SLC14A2: variants seen among roughly 807,000 people sequenced by gnomAD.
SLC14A2 encodes urea transporter 2.
In SLC14A2, 91 loss-of-function variants were observed where a neutral mutation model predicts 104.6. That is an observed-to-expected ratio of 0.87 (90% CI 0.73 to 1.04). SLC14A2 has a LOEUF of 1.04. Ranked by LOEUF, SLC14A2 falls within the 50% of genes least tolerant of loss-of-function variation. The probability of loss-of-function intolerance (pLI) is 0.00; values close to 1 mark genes in which losing one functional copy is unlikely to be tolerated. For synonymous variants in SLC14A2, 476 were observed against 466.4 expected (o/e 1.02, Z -0.27); for missense variants, 1,189 against 1,156.0 (o/e 1.03, Z -0.41).
chr18:45,604,049 C>A (rs1431988207), intron 2 of SLC14A2, among the ~76,000 whole-genome samples: 1 of 152,228 alleles, frequency 6.6e-6, no homozygotes, highest in Non-Finnish European at 1.5e-5. Flanking sequence ...GTCACAGACA[C>A]TTCTGCAACA....
intron 1 of SLC14A2, among the ~76,000 whole-genome samples, chr18:45,383,634 G>A (rs2085862344): frequency 6.6e-6 from 1 of 152,072 alleles, no homozygotes; most frequent in Non-Finnish European, 1.5e-5. Context: ...CTTGTCTCCT[G>A]GGGTTCCCCT....
At chr18:45,295,266 T>A (rs1439959625) in intron 1 of SLC14A2, among the ~76,000 whole-genome samples, 2 of 152,060 alleles carry the variant, frequency 1.3e-5, no homozygotes, top group Non-Finnish European at 2.9e-5. Flanking sequence ...TCACACAGCA[T>A]CCCCTTAACA....
intron 1 of SLC14A2, among the ~76,000 whole-genome samples, chr18:45,227,732 A>C (rs2084133857): frequency 6.6e-6 from 1 of 152,098 alleles, no homozygotes; most frequent in Non-Finnish European, 1.5e-5. Flanking sequence ...TGGGAGAAAA[A>C]ATTGGAAAAC....
chr18:45,418,294 C>T lies in SLC14A2; in HGVS notation c.-124-64939C>T, dbSNP rs141307555. Among the ~76,000 whole-genome samples, 389 of 152,264 alleles carry T rather than the reference C, an allele frequency of 2.6e-3. 1 individual carries two copies. The highest frequency in any genetic ancestry group is 9.0e-3 in the African/African-American group (374 of 41,542). On this transcript the variant is annotated intron_variant, in intron 1 of 20. Transcript: ENST00000586448. ...ATAAAGAACCTGGATAGTTACTGCA[C>T]TCTTAATAAGAAACAAATGTCTTGT...
At chr18:45,175,403 G>A in the SLC14A2 span, among the ~76,000 whole-genome samples, 1 of 144,168 alleles carries the variant, frequency 6.9e-6, no homozygotes, top group Non-Finnish European at 1.6e-5. Context: ...AAATGTAGGG[G>A]TAAGAAAACG....
chr18:45,300,104 C>A (rs945330305), intron 1 of SLC14A2, among the ~76,000 whole-genome samples: 2 of 152,126 alleles, frequency 1.3e-5, no homozygotes, highest in African/African-American at 4.8e-5. Flanking sequence ...GGGTATATTT[C>A]AAAAGACAAG....
At position 45,355,017 on chromosome 18, in the gene SLC14A2, C is replaced by T. The variant is rs117128249; in HGVS notation, c.-124-128216C>T. On this transcript the variant is annotated intron_variant, in intron 1 of 20. Transcript: ENST00000586448. Reference sequence around the variant, plus strand: ...AGGAAAGATAAAATTATGGAAGAAACAATTGAGTCTGACCTGCCTTTGAGA... The same window carrying T: ...AGGAAAGATAAAATTATGGAAGAAATAATTGAGTCTGACCTGCCTTTGAGA... 5.4e-3 allele frequency among the ~76,000 whole-genome samples: 820 copies of T among 152,232 alleles called. 3 individuals carry two copies. Among genetic ancestry groups the T allele is most frequent in the Non-Finnish European group, 8.8e-3 (600 of 68,006 alleles).
chr18:45,472,122 G>A (rs575046725), intron 1 of SLC14A2, among the ~76,000 whole-genome samples: 3 of 152,210 alleles, frequency 2.0e-5, no homozygotes, highest in African/African-American at 7.2e-5. Flanking sequence ...GTGAGAATAT[G>A]CAGTGTTTGG....
chr18:45,244,880 G>A (rs1314131904), intron 1 of SLC14A2, among the ~76,000 whole-genome samples: 3 of 152,162 alleles, frequency 2.0e-5, no homozygotes, highest in Non-Finnish European at 4.4e-5. Context: ...TCATCCATCT[G>A]TCTATTCATC....
intron 1 of SLC14A2, among the ~76,000 whole-genome samples, chr18:45,367,916 G>T (rs748997827): frequency 3.4e-4 from 52 of 152,266 alleles, no homozygotes; most frequent in Middle Eastern, 3.4e-3. Flanking sequence ...GGCACTGAAG[G>T]CTTAATGTTC....
intron 1 of SLC14A2, among the ~76,000 whole-genome samples, chr18:45,244,280 T>C: frequency 6.6e-6 from 1 of 152,146 alleles, no homozygotes; most frequent in East Asian, 1.9e-4. Context: ...ATTTGTTCAG[T>C]TTTAGACATG....
At chr18:45,664,397 G>A (rs933107384) in intron 11 of SLC14A2, among the ~76,000 whole-genome samples, 7 of 152,236 alleles carry the variant, frequency 4.6e-5, no homozygotes, top group African/African-American at 7.2e-5. Flanking sequence ...TCCAAGGGCC[G>A]CTAAAGCTGA....
intron 1 of SLC14A2, chr18:45,423,654 G>T (rs960848230): frequency 6.6e-6 from 1 of 151,966 alleles, no homozygotes; most frequent in African/African-American, 2.4e-5. Flanking sequence ...CTTTTTGACA[G>T]TCACAAATAA....
At chr18:45,365,152 G>A (rs188682579) in intron 1 of SLC14A2, among the ~76,000 whole-genome samples, 1 of 152,308 alleles carries the variant, frequency 6.6e-6, no homozygotes, top group East Asian at 1.9e-4. Flanking sequence ...CCCGAGCTCA[G>A]AGGAGTACTA....
intron 1 of SLC14A2, among the ~76,000 whole-genome samples, chr18:45,276,370 T>A (rs1158680518): frequency 2.6e-5 from 4 of 152,200 alleles, no homozygotes; most frequent in Non-Finnish European, 4.4e-5. Context: ...AAAGGGGACA[T>A]AGAAGAGGCT....
intron 2 of SLC14A2, among the ~76,000 whole-genome samples, chr18:45,519,304 A>C (rs1290967481): frequency 6.6e-6 from 1 of 152,172 alleles, no homozygotes; most frequent in East Asian, 1.9e-4. Flanking sequence ...GGAAGGAAAA[A>C]AATATCCCTG....
At chr18:45,681,495 G>A (rs2046308362) in intron 19 of SLC14A2, among the ~76,000 whole-genome samples, 3 of 152,218 alleles carry the variant, frequency 2.0e-5, no homozygotes, top group South Asian at 4.1e-4. Context: ...GAAGAGTGGA[G>A]AAGAGTACTA....
At chr18:45,581,468 G>A (rs1027413098) in intron 2 of SLC14A2, among the ~76,000 whole-genome samples, 3 of 152,182 alleles carry the variant, frequency 2.0e-5, no homozygotes, top group African/African-American at 7.2e-5. Context: ...AAGAGTTAAG[G>A]AAAGCTAGAA....
chr18:45,444,093 A>G (rs1018854307), intron 1 of SLC14A2, among the ~76,000 whole-genome samples: 2 of 152,216 alleles, frequency 1.3e-5, no homozygotes, highest in Non-Finnish European at 2.9e-5. Context: ...TATCATAAAG[A>G]AAGTTTGGAT....
Sources: gnomAD v4.1 joint callset for allele counts (sites outside exome capture counted in the v4.1 genomes callset) on GRCh38, gnomAD v4.1.1 for gene constraint, MANE v1.5 for transcripts, NCBI Gene and HGNC (gene_info 2026-07-23, HGNC 2026-07-21) for gene names.